The following PLAA variants were observed in gnomAD, a reference collection of about 807,000 sequenced individuals.
The protein encoded by PLAA is phospholipase A-2-activating protein.
Under a neutral mutation model 84.1 loss-of-function variants are expected in PLAA, and 48 were observed. The ratio of observed to expected loss-of-function variants is 0.57; its 90% CI spans 0.45 to 0.73. The LOEUF (loss-of-function observed/expected upper bound fraction) is 0.73, where lower values mean the gene tolerates loss of function less well. PLAA is among the 30% of genes least tolerant of loss of function. The pLI is 0.00. For missense variants in PLAA, 903 were observed against 954.7 expected (o/e 0.95, Z 0.71); for synonymous variants, 392 against 336.6 (o/e 1.16, Z -1.80).
chr9:26,907,250 C>T (rs1824264578), intron 13 of PLAA, among the ~76,000 whole-genome samples: 2 of 151,910 alleles, frequency 1.3e-5, no homozygotes, highest in African/African-American at 4.8e-5. Context: ...AGTAAACAAA[C>T]AGGTGCATGC....
At chr9:26,939,875 C>T (rs1035484992) in intron 1 of PLAA, among the ~76,000 whole-genome samples, 1 of 152,026 alleles carries the variant, frequency 6.6e-6, no homozygotes, top group Non-Finnish European at 1.5e-5. Flanking sequence ...CATTTATGCA[C>T]ATAATATATA....
chr9:26,927,975 C>T (rs769171462), intron 4 of PLAA, 125 bp downstream of exon 4: 24 of 1,077,746 alleles, frequency 2.2e-5, no homozygotes, highest in Non-Finnish European at 2.8e-5. Context: ...ATTACATTAA[C>T]TCAAATTAAT....
chr9:26,908,813 A>G (rs1307030384), intron 12 of PLAA, among the ~76,000 whole-genome samples: 4 of 152,174 alleles, frequency 2.6e-5, no homozygotes, highest in African/African-American at 9.7e-5. Context: ...CATGTGTAAT[A>G]TATATTCAAG....
At chr9:26,922,484 T>C (rs901759763) in intron 7 of PLAA, among the ~76,000 whole-genome samples, 1 of 152,120 alleles carries the variant, frequency 6.6e-6, no homozygotes, top group South Asian at 2.1e-4. Flanking sequence ...TTTGACCTCA[T>C]GGACATCCTG....
At chr9:26,934,944 A>G (rs2131412541) in intron 2 of PLAA, 69 bp downstream of exon 2, 1 of 1,127,118 alleles carries the variant, frequency 8.9e-7, no homozygotes, top group South Asian at 1.5e-5. Context: ...GAGAAAATGG[A>G]TATGTAAATT....
At chr9:26,929,165 C>A (rs1275013742) in intron 2 of PLAA, among the ~76,000 whole-genome samples, 1 of 151,928 alleles carries the variant, frequency 6.6e-6, no homozygotes, top group Admixed American at 6.6e-5. Context: ...TATACCACTG[C>A]ACTTCACGCC....
At chr9:26,942,409 A>G (rs908481255) in intron 1 of PLAA, among the ~76,000 whole-genome samples, 11 of 152,244 alleles carry the variant, frequency 7.2e-5, no homozygotes, top group Non-Finnish European at 1.5e-4. Flanking sequence ...TATCCAATGT[A>G]TCTAAAGGCC....
At chr9:26,934,475 C>CTTTTTT (rs67138338) in intron 2 of PLAA, among the ~76,000 whole-genome samples, 74 of 93,308 alleles carry the variant, frequency 7.9e-4, no homozygotes, top group East Asian at 6.9e-3. Flanking sequence ...GAACACTTTA[C>CTTTTTT]TTTTTTTTTT....
At chr9:26,945,437 G>A (rs938477775) in intron 1 of PLAA, among the ~76,000 whole-genome samples, 5 of 152,054 alleles carry the variant, frequency 3.3e-5, no homozygotes, top group African/African-American at 1.2e-4. Flanking sequence ...AAGTAGTTTT[G>A]GATATTATAG....
chr9:26,937,199 C>G (rs13440320), intron 1 of PLAA, among the ~76,000 whole-genome samples: 6 of 152,002 alleles, frequency 3.9e-5, no homozygotes, highest in Non-Finnish European at 8.8e-5. Context: ...TTTTCCTCTT[C>G]TGGGAGCAAG....
chr9:26,909,719 G>A (rs1349279124), intron 12 of PLAA, among the ~76,000 whole-genome samples: 1 of 151,950 alleles, frequency 6.6e-6, no homozygotes, highest in African/African-American at 2.4e-5. Context: ...CACCTCCCAG[G>A]TTCAAGTGAT....
chr9:26,926,312 G>A, intron 5 of PLAA, 81 bp downstream of exon 5: 1 of 862,066 alleles, frequency 1.2e-6, no homozygotes, highest in Non-Finnish European at 1.9e-6. Flanking sequence ...TAAGTAATCA[G>A]CTCTCCTCCC....
In PLAA at chr9:26,928,120, C is replaced by T. The variant is rs1206910244; in HGVS notation, c.545G>A (p.Arg182Lys). ...CTTACCTGAAAAAGTCCTCTCACAT[C>T]TTCCAGCCTTCCACAGTTTAACAGT... is the stretch of plus-strand genomic sequence containing the variant. The part of the protein sequence containing the change: ...DKTVKLWKAG[R>K]CERTFSGHED... Residue 182 changes from arginine (R) to lysine (K), a missense_variant, in exon 4 of 14, where the codon AGA becomes AAA. By Grantham distance (26) the Arg-to-Lys change is conservative. Transcript: ENST00000397292. 1.2e-6 allele frequency: 2 copies of T among 1,613,962 alleles called. No homozygotes were observed. Among genetic ancestry groups the T allele is most frequent in the African/African-American group, 1.3e-5 (1 of 74,930 alleles).
Position 26,906,039 on chromosome 9 carries a change from T to C in PLAA, c.1860A>G (p.Ser620=), listed in dbSNP as rs777173673. 1 of 1,587,942 alleles carries C rather than the reference T, an allele frequency of 6.3e-7. No homozygotes were observed. The highest frequency in any genetic ancestry group is 1.1e-5 in the South Asian group (1 of 87,676). Residue 620 remains serine, a synonymous_variant, in exon 14 of 14, where the codon TCA becomes TCG. Coordinates refer to ENST00000397292, the MANE Select transcript of PLAA (RefSeq NM_001031689.3). Reference sequence around the variant, plus strand: ...TCTCATTCACACTGGGGTGTTTAATTGACAACCGAAGAATGTCAAGTGCAG... The same window carrying C: ...TCTCATTCACACTGGGGTGTTTAATCGACAACCGAAGAATGTCAAGTGCAG... ...VFPALDILRL[S]IKHPSVNENF... is the part of the protein sequence containing the mutation.
rs1427276412 is a variant in PLAA at position 26,913,926 on chromosome 9, C to T, written c.1508G>A (p.Gly503Asp). Residue 503 changes from glycine to aspartate, a missense_variant, in exon 11 of 14, where the codon GGT becomes GAT. Physicochemically the swap from Gly to Asp is moderately conservative, Grantham distance 94. Coordinates refer to ENST00000397292, the MANE Select transcript of PLAA (RefSeq NM_001031689.3). ...CATGGTAGTTCCCATACTTGCAGAA[C>T]CTGGTACATAACGACCAGCACCTAC... ...PFTGAGRYVP[G>D]SASMGTTMAG... is the part of the protein sequence containing the mutation. The T allele has an allele frequency of 6.2e-7, 1 of 1,612,034 alleles. No homozygotes were observed. The highest frequency in any genetic ancestry group is 8.5e-7 in the Non-Finnish European group (1 of 1,178,230).
intron 12 of PLAA, among the ~76,000 whole-genome samples, chr9:26,909,844 G>A (rs1824345703): frequency 1.3e-5 from 2 of 152,002 alleles, no homozygotes; most frequent in Non-Finnish European, 2.9e-5. Flanking sequence ...GGCTAGTCTC[G>A]AACTCCTGAC....
At position 26,910,374 on chromosome 9, in the gene PLAA, C is replaced by T. The variant is rs1160528502; in HGVS notation, c.1621G>A (p.Val541Ile). 1 of 1,613,164 alleles carries T rather than the reference C, an allele frequency of 6.2e-7. No individual in the cohort carries two copies. Among genetic ancestry groups the T allele is most frequent in the East Asian group, 2.2e-5 (1 of 44,772 alleles). The part of the protein sequence containing the change: ...MNIYFPKKEA[V>I]TFDQANPTQI... ...GTAGGGTTTGCTTGGTCAAATGTGACAGCCTCTTTTTTAGGGAAATAAATA... is the reference window on the plus strand; with the variant it reads ...GTAGGGTTTGCTTGGTCAAATGTGATAGCCTCTTTTTTAGGGAAATAAATA... The change falls in exon 12 of 14, where the codon GTC (valine) becomes ATC (isoleucine). Residue 541 changes from valine to isoleucine, a missense_variant. By Grantham distance (29) the Val-to-Ile change is conservative. Transcript: ENST00000397292.
chr9:26,933,548 G>C (rs969187422), intron 2 of PLAA, among the ~76,000 whole-genome samples: 1 of 151,900 alleles, frequency 6.6e-6, no homozygotes, highest in Non-Finnish European at 1.5e-5. Flanking sequence ...CAGCAATATG[G>C]AAGGCCGAGG....
intron 2 of PLAA, among the ~76,000 whole-genome samples, chr9:26,933,607 T>TA (rs1825256267): frequency 6.6e-6 from 1 of 151,264 alleles, no homozygotes; most frequent in South Asian, 2.1e-4. Context: ...GCTAACATGG[T>TA]AAAACCCTGT....
Sources: gnomAD v4.1 joint callset for allele counts (sites outside exome capture counted in the v4.1 genomes callset) on GRCh38, gnomAD v4.1.1 for gene constraint, MANE v1.5 for transcripts, NCBI Gene and HGNC (gene_info 2026-07-23, HGNC 2026-07-21) for gene names.